Variants in FRMPD1 observed in about 807,000 individuals in gnomAD.
FRMPD1 encodes the protein FERM and PDZ domain containing 1.
A neutral mutation model predicts 117.8 loss-of-function variants in FRMPD1; 76 were observed. That is an observed-to-expected ratio of 0.65 (90% CI 0.54 to 0.78). The LOEUF (loss-of-function observed/expected upper bound fraction) is 0.78, where lower values mean the gene tolerates loss of function less well. FRMPD1 is among the 30% of genes least tolerant of loss of function. The pLI, the probability that FRMPD1 is intolerant of heterozygous loss-of-function variation, is 0.00. For missense variants in FRMPD1, 1,786 were observed against 1,964.5 expected, an observed-to-expected ratio of 0.91 and a Z score of 1.72; for synonymous variants, 783 against 770.4, an observed-to-expected ratio of 1.02 and a Z score of -0.27.
At chr9:37,742,873 T>A (rs1040674961) in intron 15 of FRMPD1, among the ~76,000 whole-genome samples, 2 of 152,208 alleles carry the variant, frequency 1.3e-5, no homozygotes, top group South Asian at 2.1e-4. Context: ...AACTCTAGCC[T>A]GGCCAACAGA....
At chr9:37,615,256 G>T in the FRMPD1 span, among the ~76,000 whole-genome samples, 1 of 152,046 alleles carries the variant, frequency 6.6e-6, no homozygotes, top group Non-Finnish European at 1.5e-5. Context: ...GGGACCACAG[G>T]CATACCATGC....
the FRMPD1 span, among the ~76,000 whole-genome samples, chr9:37,611,517 G>A: frequency 6.6e-6 from 1 of 152,146 alleles, no homozygotes; most frequent in Non-Finnish European, 1.5e-5. Flanking sequence ...AAAATGTCTT[G>A]TGCATTTACA....
the FRMPD1 span, among the ~76,000 whole-genome samples, chr9:37,634,649 A>G: frequency 6.6e-6 from 1 of 151,726 alleles, no homozygotes. Context: ...TGTTTTCTGA[A>G]ACCCATATCT....
chr9:37,718,753 A>C (rs1378983156), intron 5 of FRMPD1, among the ~76,000 whole-genome samples: 1 of 152,212 alleles, frequency 6.6e-6, no homozygotes, highest in East Asian at 1.9e-4. Context: ...TAGTTCTCAC[A>C]ACTATTGAGC....
chr9:37,746,846 C>G lies in FRMPD1; in HGVS notation c.*77C>G. On this transcript the variant is annotated 3_prime_UTR_variant, in exon 16 of 16. Coordinates refer to ENST00000377765, the MANE Select transcript of FRMPD1 (RefSeq NM_014907.3). The stretch of plus-strand genomic sequence containing the variant: ...CTGAGAAGCCCCTTCCACTCTCCCA[C>G]CCACCCTCTTCAAATGTTTACTATA... The G allele has an allele frequency of 2.2e-6, 2 of 918,446 alleles. No individual in the cohort carries two copies. The highest frequency in any genetic ancestry group is 3.5e-6 in the Non-Finnish European group (2 of 579,024). The allele number at this position is 918,446 out of a possible 1,614,324, so 56.9% of individuals were successfully genotyped here. A position where few individuals can be genotyped will look rare whatever the true frequency, so the allele number is the denominator to read the frequency against.
rs34040451 is a variant in FRMPD1 at position 37,678,251 on chromosome 9, C to CTTTTT, written c.-4-14363_-4-14359dup. Among the ~76,000 whole-genome samples the CTTTTT allele has an allele frequency of 2.7e-3, 213 of 79,830 alleles. 25 individuals are homozygous for CTTTTT. Among genetic ancestry groups the CTTTTT allele is most frequent in the African/African-American group, 0.01 (197 of 19,402 alleles). The allele number at this position is 79,830 out of a possible 152,430, so 52.4% of individuals were successfully genotyped here. On this transcript the variant is annotated intron_variant, in intron 1 of 15. Coordinates refer to ENST00000377765, the MANE Select transcript of FRMPD1 (RefSeq NM_014907.3). ...CTCTTTTCCCCTCTAGTACTTACCA[C>CTTTTT]TTTTTTTTTTTTTTTTTTTTTTTTT...
chr9:37,610,692 T>G, the FRMPD1 span, among the ~76,000 whole-genome samples: 1 of 151,986 alleles, frequency 6.6e-6, no homozygotes. Flanking sequence ...CCTCCTGGGT[T>G]CAAGAGATTC....
At chr9:37,642,610 G>A in the FRMPD1 span, among the ~76,000 whole-genome samples, 1,137 of 152,228 alleles carry the variant, frequency 7.5e-3, 19 homozygotes, top group African/African-American at 0.025. Flanking sequence ...TGGCAAGGAC[G>A]ATTTGTGGGA....
Position 37,740,029 on chromosome 9 carries a change from T to C in FRMPD1, c.1550-49T>C. 7.5e-7 allele frequency: 1 copy of C among 1,337,758 alleles called. No homozygotes were observed. The highest frequency in any genetic ancestry group is 1.0e-6 in the Non-Finnish European group (1 of 963,740). The allele number at this position is 1,337,758 out of a possible 1,614,324, so 82.9% of individuals were successfully genotyped here. ...GGGGTCAGGGGGCTAGAAGGACACATAGGTAGGAGAATTCTGTTGTGTAAC... is the reference window on the plus strand; with the variant it reads ...GGGGTCAGGGGGCTAGAAGGACACACAGGTAGGAGAATTCTGTTGTGTAAC... On this transcript the variant is annotated intron_variant, in intron 14 of 15. Transcript: ENST00000377765. This position sits in a 1 kb window ranked among gnomAD's most constrained non-coding sequence, Gnocchi z 4.2.
chr9:37,694,646 C>T (rs564540843), intron 2 of FRMPD1, among the ~76,000 whole-genome samples: 126 of 152,264 alleles, frequency 8.3e-4, no homozygotes, highest in Non-Finnish European at 1.7e-3. Flanking sequence ...CCTTCTGCCT[C>T]GTGTCTCAGC....
intron 1 of FRMPD1, among the ~76,000 whole-genome samples, chr9:37,652,963 A>G (rs1820724298): frequency 1.3e-5 from 2 of 152,198 alleles, no homozygotes; most frequent in South Asian, 4.1e-4. Flanking sequence ...GGATTTCAAC[A>G]GGTGGTGAGG....
rs1588980657 is a variant in FRMPD1 at position 37,746,811 on chromosome 9, G to C, written c.*42G>C. On this transcript the variant is annotated 3_prime_UTR_variant, in exon 16 of 16. Transcript: ENST00000377765. ...AGGGCCTCCTGCCCTGTCCTGCCTT[G>C]GACACTTCCCTGAGAAGCCCCTTCC... 7.1e-7 allele frequency: 1 copy of C among 1,405,912 alleles called. No individual in the cohort carries two copies. The highest frequency in any genetic ancestry group is 2.3e-5 in the East Asian group (1 of 43,858). The allele number at this position is 1,405,912 out of a possible 1,614,324, so 87.1% of individuals were successfully genotyped here.
chr9:37,615,968 A>G, the FRMPD1 span, among the ~76,000 whole-genome samples: 1 of 151,708 alleles, frequency 6.6e-6, no homozygotes, highest in Non-Finnish European at 1.5e-5. Context: ...ACCCACCATC[A>G]TGCCCAGCTT....
chr9:37,700,703 T>A (rs1822499523), intron 2 of FRMPD1, among the ~76,000 whole-genome samples: 1 of 152,224 alleles, frequency 6.6e-6, no homozygotes, highest in Admixed American at 6.5e-5. Flanking sequence ...TTCATCTATG[T>A]GAGACTGTTT....
the FRMPD1 span, among the ~76,000 whole-genome samples, chr9:37,626,644 CTGGAGGTGG>C: frequency 9.7e-5 from 2 of 20,724 alleles, no homozygotes; most frequent in Non-Finnish European, 2.4e-4. Flanking sequence ...AAAAAAAAAG[CTGGAGGTGG>C]TGGCATTCAT....
intron 6 of FRMPD1, among the ~76,000 whole-genome samples, chr9:37,721,920 A>G (rs1333370228): frequency 6.6e-6 from 1 of 152,230 alleles, no homozygotes; most frequent in African/African-American, 2.4e-5. Flanking sequence ...CTCTCTAAAA[A>G]CTATTTACAG....
chr9:37,634,849 C>T, the FRMPD1 span, among the ~76,000 whole-genome samples: 1 of 151,774 alleles, frequency 6.6e-6, no homozygotes, highest in Admixed American at 6.6e-5. Flanking sequence ...TTTGCTGCAC[C>T]TATTGACCCA....
At chr9:37,625,872 C>T in the FRMPD1 span, among the ~76,000 whole-genome samples, 2 of 152,254 alleles carry the variant, frequency 1.3e-5, no homozygotes, top group African/African-American at 2.4e-5. Flanking sequence ...TCTGCAGCGC[C>T]TCACAAGGAG....
intron 2 of FRMPD1, among the ~76,000 whole-genome samples, chr9:37,699,926 C>T (rs2118092437): frequency 6.6e-6 from 1 of 152,206 alleles, no homozygotes; most frequent in East Asian, 1.9e-4. Flanking sequence ...CACATATACA[C>T]ACATTTTGGC....
Sources: gnomAD v4.1 joint callset for allele counts (sites outside exome capture counted in the v4.1 genomes callset) on GRCh38, gnomAD v4.1.1 for gene constraint, Gnocchi (gnomAD v3.1) non-coding constraint, MANE v1.5 for transcripts, NCBI Gene and HGNC (gene_info 2026-07-23, HGNC 2026-07-21) for gene names.